The following GTPBP4 variants were observed in gnomAD, a reference collection of about 807,000 sequenced individuals.
GTPBP4 encodes the protein GTP binding protein 4.
Under a neutral mutation model 81.7 loss-of-function variants are expected in GTPBP4, and 15 were observed. That is an observed-to-expected ratio of 0.18 (90% CI 0.12 to 0.28). The LOEUF is 0.28. GTPBP4 is among the 10% of genes least tolerant of loss of function. The pLI, the probability that GTPBP4 is intolerant of heterozygous loss-of-function variation, is 1.00. For synonymous variants in GTPBP4, 272 were observed against 274.6 expected, an observed-to-expected ratio of 0.99 and a Z score of 0.09; for missense variants, 847 against 793.8, an observed-to-expected ratio of 1.07 and a Z score of -0.81.
At chr10:997,423 G>T in intron 5 of GTPBP4, 115 bp downstream of exon 5, 1 of 748,174 alleles carries the variant, frequency 1.3e-6, no homozygotes, top group South Asian at 1.5e-5. Context: ...ACTGTATTCT[G>T]ACTGCGTGGG....
At chr10:990,922 C>T (rs1241628902) in intron 1 of GTPBP4, among the ~76,000 whole-genome samples, 3 of 151,614 alleles carry the variant, frequency 2.0e-5, no homozygotes, top group South Asian at 4.2e-4. Context: ...GATGTGCGAA[C>T]GGCATTAGGT....
chr10:1,009,104 G>A, intron 11 of GTPBP4, 69 bp downstream of exon 11: 4 of 1,216,818 alleles, frequency 3.3e-6, no homozygotes, highest in Admixed American at 1.8e-5. Flanking sequence ...CATCGTGGGG[G>A]CCTGGGGCAT....
At chr10:997,114 A>G (rs1831549330) in intron 4 of GTPBP4, 94 bp from the exon 5 acceptor site, 1 of 764,518 alleles carries the variant, frequency 1.3e-6, no homozygotes, top group Admixed American at 2.2e-5. Context: ...GATGAATATC[A>G]CCATAGGCCT....
At chr10:1,017,007 G>C in intron 16 of GTPBP4, 68 bp from the exon 17 acceptor site, 1 of 1,317,660 alleles carries the variant, frequency 7.6e-7, no homozygotes, top group Non-Finnish European at 1.1e-6. Flanking sequence ...TTACCCAGTA[G>C]TTGAAATTCA....
intron 1 of GTPBP4, among the ~76,000 whole-genome samples, chr10:990,115 A>G (rs999559625): frequency 6.6e-6 from 1 of 152,150 alleles, no homozygotes; most frequent in Non-Finnish European, 1.5e-5. Flanking sequence ...TGTTGAAGGA[A>G]TTTGCTCTTT....
rs140153834 is a variant in GTPBP4, at chr10:1,018,939, G to C, written c.*1712G>C. ...AAAGCAAGTATGTCTTTATTTGTAA[G>C]CATATTACTGAAACGATCAAATGAA... On this transcript the variant is annotated 3_prime_UTR_variant, in exon 17 of 17. Coordinates refer to ENST00000360803, the MANE Select transcript of GTPBP4 (RefSeq NM_012341.3). The C allele has an allele frequency of 2.6e-5, 4 of 152,556 alleles. No individual in the cohort carries two copies. Among genetic ancestry groups the C allele is most frequent in the Non-Finnish European group, 5.9e-5 (4 of 68,304 alleles). 9.5% of individuals were successfully genotyped at this position (152,556 alleles called of 1,614,324 possible).
In GTPBP4 at chr10:996,103, C is replaced by T; in HGVS notation, c.324-3C>T. The T allele has an allele frequency of 6.3e-7, 1 of 1,593,284 alleles. No individual in the cohort carries two copies. The highest frequency in any genetic ancestry group is 8.6e-7 in the Non-Finnish European group (1 of 1,166,192). ...AAAAAATAATATTTTTTATTTTTTA[C>T]AGTGTTGCTAAAGATTATGTGCGAC... On this transcript the variant is annotated splice_polypyrimidine_tract_variant and splice_region_variant and intron_variant, in intron 3 of 16. Transcript: ENST00000360803.
rs1161252840 is a variant in GTPBP4, at chr10:997,309, G to A, written c.561+1G>A. On this transcript the variant is annotated splice_donor_variant, in intron 5 of 16. Coordinates refer to ENST00000360803, the MANE Select transcript of GTPBP4 (RefSeq NM_012341.3). LOFTEE classifies it high-confidence loss of function. ...TGGGAAGTCCAGCTTCATCAACAAG[G>A]TTGGTCTGGTTTTTATCGTAAAGCA... 6.6e-7 allele frequency: 1 copy of A among 1,507,936 alleles called. No individual in the cohort carries two copies. The highest frequency in any genetic ancestry group is 1.4e-5 in the African/African-American group (1 of 72,838). The allele number at this position is 1,507,936 out of a possible 1,614,324, so 93.4% of individuals were successfully genotyped here. A position where few individuals can be genotyped will look rare whatever the true frequency, so the allele number is the denominator to read the frequency against.
At position 1,019,844 on chromosome 10, in the gene GTPBP4, GA is replaced by G; in HGVS notation, c.*2620del. 6.2e-7 allele frequency: 1 copy of G among 1,600,916 alleles called. No homozygotes were observed. The highest frequency in any genetic ancestry group is 2.2e-5 in the East Asian group (1 of 44,798). On this transcript the variant is annotated 3_prime_UTR_variant, in exon 17 of 17. Transcript: ENST00000360803. Reference sequence around the variant, plus strand: ...TGTCCTCTGGAGAAATCTATTGACAGAAATTGGTGCAGTGTTAACAACGCTA... The same window carrying G: ...TGTCCTCTGGAGAAATCTATTGACAGAATTGGTGCAGTGTTAACAACGCTA...
At position 1,007,971 on chromosome 10, in the gene GTPBP4, A is replaced by T. The variant is rs557910053; in HGVS notation, c.1113+843A>T. On this transcript the variant is annotated intron_variant, in intron 10 of 16. Transcript: ENST00000360803. ...TGGATTCTTGTCAGATACATTGCAA[A>T]TTTTTTTCTCTTTTTGTCACTTGCC... The T allele has an allele frequency of 2.8e-4, 147 of 517,580 alleles. 1 individual carries two copies. The highest frequency in any genetic ancestry group is 1.9e-3 in the South Asian group (139 of 71,342). The allele number at this position is 517,580 out of a possible 1,614,324, so 32.1% of individuals were successfully genotyped here.
chr10:1,006,893 C>T (rs1316423834), intron 9 of GTPBP4, 125 bp from the exon 10 acceptor site: 1 of 657,226 alleles, frequency 1.5e-6, no homozygotes, highest in Non-Finnish European at 2.8e-6. Flanking sequence ...AATGTGGCCC[C>T]CTACGTGTTA....
chr10:995,047 G>A (rs1353596964), intron 2 of GTPBP4, among the ~76,000 whole-genome samples: 3 of 152,208 alleles, frequency 2.0e-5, no homozygotes, highest in African/African-American at 2.4e-5. Flanking sequence ...GCAGGCTAGG[G>A]AGGTGAACAC....
chr10:993,526 C>T (rs905346237), intron 2 of GTPBP4, among the ~76,000 whole-genome samples: 4 of 151,228 alleles, frequency 2.6e-5, no homozygotes, highest in East Asian at 4.0e-4. Flanking sequence ...GGATTACAGG[C>T]GTGAGCCACC....
chr10:1,019,864 A>T lies in GTPBP4; in HGVS notation c.*2637A>T, dbSNP rs1469664905. ...TGACAGAAATTGGTGCAGTGTTAACAACGCTAATGTAAAACACAGAATTTA... is the reference window on the plus strand; with the variant it reads ...TGACAGAAATTGGTGCAGTGTTAACTACGCTAATGTAAAACACAGAATTTA... On this transcript the variant is annotated 3_prime_UTR_variant, in exon 17 of 17. Coordinates refer to ENST00000360803, the MANE Select transcript of GTPBP4 (RefSeq NM_012341.3). The T allele has an allele frequency of 6.8e-7, 1 of 1,468,200 alleles. No individual in the cohort carries two copies. The highest frequency in any genetic ancestry group is 1.7e-5 in the Admixed American group (1 of 59,092). The allele number at this position is 1,468,200 out of a possible 1,614,324, so 90.9% of individuals were successfully genotyped here. A position where few individuals can be genotyped will look rare whatever the true frequency, so the allele number is the denominator to read the frequency against.
In GTPBP4 at chr10:1,017,188, G is replaced by C. The variant is rs897357161; in HGVS notation, c.1866G>C (p.Leu622=). The change falls in exon 17 of 17, where the codon CTG becomes CTC. Residue 622 remains leucine (L), a synonymous_variant. Transcript: ENST00000360803. ...TTGATATGAAGCCCAAGCACTTGCT[G>C]TCTGGGAAGAGGAAAGCTGGTAAAA... ...HVFDMKPKHL[L]SGKRKAGKKD... is the part of the protein sequence containing the mutation. 1.9e-6 allele frequency: 3 copies of C among 1,614,068 alleles called. No homozygotes were observed. In the African/African-American group the frequency reaches 4.0e-5, roughly 22 times the overall value.
At chr10:1,013,626 A>G (rs1017516853) in intron 14 of GTPBP4, among the ~76,000 whole-genome samples, 1 of 151,764 alleles carries the variant, frequency 6.6e-6, no homozygotes, top group Non-Finnish European at 1.5e-5. Flanking sequence ...TAAAAAATTT[A>G]AAAAAAAATC....
chr10:992,388 A>C, intron 1 of GTPBP4, 101 bp from the exon 2 acceptor site: 1 of 714,980 alleles, frequency 1.4e-6, no homozygotes, highest in Admixed American at 2.9e-5. Flanking sequence ...CGACAGAGCG[A>C]GACTCTGTCT....
Position 1,019,860 on chromosome 10 carries a change from T to G in GTPBP4, c.*2633T>G. On this transcript the variant is annotated 3_prime_UTR_variant, in exon 17 of 17. Coordinates refer to ENST00000360803, the MANE Select transcript of GTPBP4 (RefSeq NM_012341.3). ...CTATTGACAGAAATTGGTGCAGTGT[T>G]AACAACGCTAATGTAAAACACAGAA... 2.0e-6 allele frequency: 3 copies of G among 1,479,096 alleles called. No individual in the cohort carries two copies. In the South Asian group the frequency reaches 3.4e-5, roughly 17 times the overall value. 91.6% of individuals were successfully genotyped at this position (1,479,096 alleles called of 1,614,324 possible). A position where few individuals can be genotyped will look rare whatever the true frequency, so the allele number is the denominator to read the frequency against.
At chr10:993,662 G>A (rs1831488409) in intron 2 of GTPBP4, among the ~76,000 whole-genome samples, 1 of 152,232 alleles carries the variant, frequency 6.6e-6, no homozygotes, top group Admixed American at 6.5e-5. Flanking sequence ...GGTTGTGAAG[G>A]GCGTGGGGAT....
Sources: gnomAD v4.1 joint callset for allele counts (sites outside exome capture counted in the v4.1 genomes callset) on GRCh38, gnomAD v4.1.1 for gene constraint, MANE v1.5 for transcripts, NCBI Gene and HGNC (gene_info 2026-07-23, HGNC 2026-07-21) for gene names.